Variants in CAMK2B observed in about 807,000 individuals in gnomAD.
CAMK2B encodes the protein calcium/calmodulin dependent protein kinase II beta, also known as calcium/calmodulin-dependent protein kinase type II subunit beta.
A neutral mutation model predicts 93.7 loss-of-function variants in CAMK2B; 27 were observed. The ratio of observed to expected loss-of-function variants is 0.29; its 90% CI spans 0.21 to 0.40. The LOEUF is 0.40. Ranked by LOEUF, CAMK2B falls within the 10% of genes least tolerant of loss-of-function variation. The probability of loss-of-function intolerance (pLI) is 1.00; values close to 1 mark genes in which losing one functional copy is unlikely to be tolerated. For synonymous variants in CAMK2B, 374 were observed against 358.8 expected (o/e 1.04, Z -0.48); for missense variants, 568 against 895.8 (o/e 0.63, Z 4.67).
chr7:44,284,248 GAGAGAC>G (rs757768895), intron 1 of CAMK2B, 23 bp from the exon 2 acceptor site: 136 of 1,492,804 alleles, frequency 9.1e-5, no homozygotes, highest in African/African-American at 4.8e-4. Context: ...ATGGGGGAGC[GAGAGAC>G]AGAGACAGAG....
At chr7:44,229,212 A>G (rs1267173532) in intron 18 of CAMK2B, 176 bp downstream of exon 18, 9 of 607,982 alleles carry the variant, frequency 1.5e-5, no homozygotes, top group Non-Finnish European at 2.7e-5. Flanking sequence ...CTCCTCACAA[A>G]GAGGTGGGGC....
chr7:44,232,977 A>G (rs1212446103), intron 15 of CAMK2B, 111 bp from the exon 16 acceptor site: 2 of 940,130 alleles, frequency 2.1e-6, no homozygotes, highest in Non-Finnish European at 3.4e-6. Flanking sequence ...GGGTGGCCAG[A>G]GCCTGCGAGA....
intron 2 of CAMK2B, among the ~76,000 whole-genome samples, chr7:44,273,671 G>A (rs1323419716): frequency 6.6e-6 from 1 of 152,206 alleles, no homozygotes; most frequent in Non-Finnish European, 1.5e-5. Flanking sequence ...CCCTGGGGGT[G>A]CAGGACCCAC....
intron 1 of CAMK2B, among the ~76,000 whole-genome samples, chr7:44,318,556 C>A (rs376632357): frequency 6.6e-6 from 1 of 152,190 alleles, no homozygotes; most frequent in East Asian, 1.9e-4. Flanking sequence ...TTGCTGGAAA[C>A]GGCACTCACT....
At chr7:44,220,780 CCACAT>C in intron 21 of CAMK2B, 41 bp downstream of exon 21, 6 of 1,561,802 alleles carry the variant, frequency 3.8e-6, no homozygotes, top group Non-Finnish European at 5.2e-6. Flanking sequence ...CCCAAGGGTC[CCACAT>C]CCTTGTCCTG....
chr7:44,220,540 T>C (rs1290198176), intron 22 of CAMK2B, 76 bp downstream of exon 22: 7 of 1,279,344 alleles, frequency 5.5e-6, no homozygotes, highest in Non-Finnish European at 7.7e-6. Flanking sequence ...GCAGCCACCA[T>C]GCTGTCCCTG....
chr7:44,234,547 G>A, intron 14 of CAMK2B, 86 bp from the exon 15 acceptor site: 6 of 1,588,592 alleles, frequency 3.8e-6, no homozygotes, highest in Non-Finnish European at 5.2e-6. Flanking sequence ...GGCATGGGGG[G>A]AGGGGGACTC....
At chr7:44,259,016 G>T in intron 3 of CAMK2B, 90 bp from the exon 4 acceptor site, 1 of 1,190,874 alleles carries the variant, frequency 8.4e-7, no homozygotes, top group Non-Finnish European at 1.2e-6. Context: ...CACCACCAGC[G>T]GTGTAAGCCC....
intron 1 of CAMK2B, among the ~76,000 whole-genome samples, chr7:44,317,201 G>A (rs79592059): frequency 0.12 from 17,303 of 145,122 alleles, 1,278 homozygotes; most frequent in Non-Finnish European, 0.16. Flanking sequence ...AACAGACTAA[G>A]ACAGCTATGA....
intron 3 of CAMK2B, among the ~76,000 whole-genome samples, chr7:44,262,652 T>C (rs2129038187): frequency 6.6e-6 from 1 of 152,254 alleles, no homozygotes; most frequent in South Asian, 2.1e-4. Flanking sequence ...AGCAGAGGGC[T>C]CTGTGAGGAA....
In CAMK2B at chr7:44,234,623, C is replaced by T; in HGVS notation, c.1059+16G>A. ...TCTGGGCTCCCCGGCACCACAGGGC[C>T]CGGCTGGAGCCTCACCTTGACTCCA... On this transcript the variant is annotated intron_variant, in intron 14 of 23. Transcript: ENST00000395749. 1.2e-6 allele frequency: 2 copies of T among 1,613,898 alleles called. No homozygotes were observed. Among genetic ancestry groups the T allele is most frequent in the East Asian group, 4.5e-5 (2 of 44,886 alleles).
chr7:44,232,727 T>C (rs550965547), intron 16 of CAMK2B, 95 bp downstream of exon 16: 5 of 1,249,800 alleles, frequency 4.0e-6, no homozygotes, highest in Middle Eastern at 2.4e-4. Context: ...ATGGGACATC[T>C]GCCCTCCACT....
intron 13 of CAMK2B, among the ~76,000 whole-genome samples, chr7:44,235,271 G>A (rs1378953632): frequency 3.9e-5 from 6 of 152,372 alleles, no homozygotes; most frequent in Admixed American, 2.0e-4. Flanking sequence ...AGCCCTGCTC[G>A]CCCTCATTCC....
intron 2 of CAMK2B, among the ~76,000 whole-genome samples, chr7:44,275,913 G>T (rs766707773): frequency 1.3e-5 from 2 of 152,168 alleles, no homozygotes; most frequent in Non-Finnish European, 2.9e-5. Flanking sequence ...TGGGGCAGGG[G>T]AGGGGGCGTT....
intron 2 of CAMK2B, among the ~76,000 whole-genome samples, chr7:44,280,264 CTG>C (rs1255320813): frequency 6.6e-6 from 1 of 152,186 alleles, no homozygotes; most frequent in Non-Finnish European, 1.5e-5. Flanking sequence ...CTGTGCTGCC[CTG>C]CATGGGCCCA....
At chr7:44,310,968 TA>T (rs1793376878) in intron 1 of CAMK2B, among the ~76,000 whole-genome samples, 1 of 152,254 alleles carries the variant, frequency 6.6e-6, no homozygotes, top group Admixed American at 6.5e-5. Flanking sequence ...TTTACCTTAA[TA>T]AAATACCTGG....
Position 44,217,250 on chromosome 7 carries a change from AACTC to A in CAMK2B, c.*2271_*2274del, listed in dbSNP as rs1273851234. On this transcript the variant is annotated 3_prime_UTR_variant, in exon 24 of 24. Coordinates refer to ENST00000395749, the MANE Select transcript of CAMK2B (RefSeq NM_001220.5). Reference sequence around the variant, plus strand: ...AAGGCTCAGAAAGAAAAGACAATGAAACTCAGCAAAAAGAGAGAGGAGGGGAGGC... The same window carrying A: ...AAGGCTCAGAAAGAAAAGACAATGAAAGCAAAAAGAGAGAGGAGGGGAGGC... The A allele has an allele frequency of 6.6e-6, 1 of 152,620 alleles. No individual in the cohort carries two copies. The highest frequency in any genetic ancestry group is 2.4e-5 in the African/African-American group (1 of 41,446). 9.5% of individuals were successfully genotyped at this position (152,620 alleles called of 1,614,324 possible). A position where few individuals can be genotyped will look rare whatever the true frequency, so the allele number is the denominator to read the frequency against.
At chr7:44,272,705 T>C (rs1413227567) in intron 2 of CAMK2B, among the ~76,000 whole-genome samples, 3 of 152,142 alleles carry the variant, frequency 2.0e-5, no homozygotes, top group East Asian at 3.9e-4. Context: ...GGGATGAACA[T>C]AGCCATTCTG....
chr7:44,229,278 G>T, intron 18 of CAMK2B, 110 bp downstream of exon 18: 1 of 715,470 alleles, frequency 1.4e-6, no homozygotes, highest in Non-Finnish European at 2.3e-6. Flanking sequence ...GGGTGATGAG[G>T]CTGGAGCCAG....
Sources: allele counts gnomAD v4.1 joint callset (sites outside exome capture counted in the v4.1 genomes callset), GRCh38; gene constraint gnomAD v4.1.1; transcripts MANE v1.5; gene names NCBI Gene and HGNC (gene_info 2026-07-23, HGNC 2026-07-21).